Variants in ING1 observed in about 807,000 individuals in gnomAD.
ING1 encodes inhibitor of growth family member 1.
A neutral mutation model predicts 23.1 loss-of-function variants in ING1; 4 were observed. The ratio of observed to expected loss-of-function variants is 0.17; its 90% CI spans 0.09 to 0.40. The LOEUF is 0.40. Ranked by LOEUF, ING1 falls within the 10% of genes least tolerant of loss-of-function variation. The pLI is 1.00. For synonymous variants in ING1, 179 were observed against 166.4 expected, an observed-to-expected ratio of 1.08 and a Z score of -0.58; for missense variants, 256 against 393.8, an observed-to-expected ratio of 0.65 and a Z score of 2.96.
chr13:110,716,898 T>C (rs1016286136), intron 1 of ING1, among the ~76,000 whole-genome samples: 25 of 152,344 alleles, frequency 1.6e-4, no homozygotes, highest in African/African-American at 6.0e-4. Flanking sequence ...TATTTGTACT[T>C]AGTGGCTTTG....
rs376814882 is a variant in ING1 at position 110,715,740 on chromosome 13, C to G, written c.136+1455C>G. On this transcript the variant is annotated intron_variant, in intron 1 of 1. Coordinates refer to ENST00000333219, the MANE Select transcript of ING1 (RefSeq NM_198219.3). ...CCTCCAAATCGGCGATTCCCATAGG[C>G]GGCGGCTCTCGGGGTGCGGGGCGAG... 1.9e-6 allele frequency: 3 copies of G among 1,582,506 alleles called. No individual in the cohort carries two copies. The East Asian group carries it at 6.9e-5, about 36-fold the overall frequency.
At chr13:110,713,024 AGG>A (rs2064053355), upstream of ING1, 2 of 1,507,638 alleles carry the variant, frequency 1.3e-6, no homozygotes, top group Non-Finnish European at 1.8e-6. Context: ...GGACACCGAG[AGG>A]GTGCCAGTGC....
At chr13:110,715,362 C>T (rs1046579961) in intron 1 of ING1, 14 of 1,490,242 alleles carry the variant, frequency 9.4e-6, no homozygotes, top group African/African-American at 1.4e-5. Flanking sequence ...CTATCCGAGA[C>T]GTAGCTTCGC....
At chr13:110,713,158 T>G, upstream of ING1, 1 of 1,430,714 alleles carries the variant, frequency 7.0e-7, no homozygotes, top group South Asian at 1.5e-5. Flanking sequence ...CTCCTCTTCA[T>G]CGTGATTGGG....
At position 110,719,573 on chromosome 13, in the gene ING1, A is replaced by T. The variant is rs772040695; in HGVS notation, c.481A>T (p.Asn161Tyr). Residue 161 changes from asparagine (N) to tyrosine (Y), a missense_variant, in exon 2 of 2, where the codon AAC becomes TAC. Asn to Tyr is a moderately radical substitution (Grantham distance 143). Coordinates refer to ENST00000333219, the MANE Select transcript of ING1 (RefSeq NM_198219.3). The surrounding 1 kb of genome is among the most constrained non-coding windows in gnomAD (Gnocchi z 8.9). Reference sequence around the variant, plus strand: ...GCAGCGCAACAACGAGAACCGTGAGAACGCGTCCAGCAACCACGACCACGA... The same window carrying T: ...GCAGCGCAACAACGAGAACCGTGAGTACGCGTCCAGCAACCACGACCACGA... ...RRQRNNENRE[N>Y]ASSNHDHDDG... 1 of 1,611,576 alleles carries T rather than the reference A, an allele frequency of 6.2e-7. No individual in the cohort carries two copies. Among genetic ancestry groups the T allele is most frequent in the Admixed American group, 1.7e-5 (1 of 59,010 alleles).
upstream of ING1, chr13:110,712,948 G>C: frequency 6.4e-7 from 1 of 1,559,472 alleles, no homozygotes; most frequent in Non-Finnish European, 8.7e-7. Context: ...CGCCTAGGCT[G>C]CTGGGAGTGG....
At position 110,719,293 on chromosome 13, in the gene ING1, G is replaced by A. The variant is rs752915904; in HGVS notation, c.201G>A (p.Lys67=). The A allele has an allele frequency of 1.2e-6, 2 of 1,610,778 alleles. No individual in the cohort carries two copies. Among genetic ancestry groups the A allele is most frequent in the South Asian group, 1.1e-5 (1 of 91,086 alleles). The change falls in exon 2 of 2, where the codon AAG becomes AAA. Residue 67 remains lysine, a synonymous_variant. Transcript: ENST00000333219. The surrounding 1 kb of genome is among the most constrained non-coding windows in gnomAD (Gnocchi z 8.9). ...RFSRETDGAQ[K]RRMLHCVQRA... is the part of the protein sequence containing the mutation. The stretch of plus-strand genomic sequence containing the variant: ...GTCGCGAGACAGACGGGGCGCAGAA[G>A]CGGCGGATGCTGCACTGTGTGCAGC...
Position 110,714,032 on chromosome 13 carries a change from G to C in ING1, c.-118G>C, listed in dbSNP as rs867376154. The C allele has an allele frequency of 8.2e-7, 1 of 1,222,262 alleles. No homozygotes were observed. The highest frequency in any genetic ancestry group is 1.0e-6 in the Non-Finnish European group (1 of 976,770). 75.7% of individuals were successfully genotyped at this position (1,222,262 alleles called of 1,614,324 possible). A position where few individuals can be genotyped will look rare whatever the true frequency, so the allele number is the denominator to read the frequency against. On this transcript the variant is annotated 5_prime_UTR_variant, in exon 1 of 2. Coordinates refer to ENST00000333219, the MANE Select transcript of ING1 (RefSeq NM_198219.3). ...AGCCGCCGGGCCGAAGCAGGAGCCG[G>C]CGGGGGGGCGCCGGGAGAGCGAGGG...
At chr13:110,713,608 G>T (rs891203550), upstream of ING1, 56 of 985,552 alleles carry the variant, frequency 5.7e-5, no homozygotes, top group Non-Finnish European at 6.7e-5. Context: ...GAATGCGGCG[G>T]GGGGCGGGGC....
intron 1 of ING1, 115 bp downstream of exon 1, chr13:110,714,400 C>A (rs1306599902): frequency 5.0e-6 from 5 of 1,006,938 alleles, no homozygotes; most frequent in African/African-American, 1.7e-5. Context: ...GGCTCCGCAG[C>A]GGCGGCCCTC....
rs1566384911 is a variant in ING1, at chr13:110,722,066, G to A, written c.*2134G>A. 6.6e-6 allele frequency: 1 copy of A among 152,158 alleles called. No homozygotes were observed. Among genetic ancestry groups the A allele is most frequent in the African/African-American group, 2.4e-5 (1 of 41,428 alleles). 9.4% of individuals were successfully genotyped at this position (152,158 alleles called of 1,614,324 possible). On this transcript the variant is annotated 3_prime_UTR_variant, in exon 2 of 2. Transcript: ENST00000333219. ...TGTTTACTTGTGATAAACAATTATT[G>A]TGAACTTTATTTGTGCTGGACATAA...
chr13:110,715,684 C>T (rs745508131), intron 1 of ING1: 20 of 1,603,290 alleles, frequency 1.2e-5, no homozygotes, highest in East Asian at 2.3e-5. Context: ...TTCCGCCCTG[C>T]GGTGTGGTTG....
Position 110,720,727 on chromosome 13 carries a change from G to A in ING1, c.*795G>A, listed in dbSNP as rs774278336. 2 of 167,102 alleles carry A rather than the reference G, an allele frequency of 1.2e-5. No individual in the cohort carries two copies. Among genetic ancestry groups the A allele is most frequent in the African/African-American group, 4.8e-5 (2 of 41,468 alleles). The allele number at this position is 167,102 out of a possible 1,614,324, so 10.4% of individuals were successfully genotyped here. A position where few individuals can be genotyped will look rare whatever the true frequency, so the allele number is the denominator to read the frequency against. On this transcript the variant is annotated 3_prime_UTR_variant, in exon 2 of 2. Coordinates refer to ENST00000333219, the MANE Select transcript of ING1 (RefSeq NM_198219.3). Reference sequence around the variant, plus strand: ...AAGGTGTGCTTCCTGCTGTATGTGAGCTGTAAAAATGTTACGTGAAGAAAT... The same window carrying A: ...AAGGTGTGCTTCCTGCTGTATGTGAACTGTAAAAATGTTACGTGAAGAAAT...
intron 1 of ING1, 32 bp downstream of exon 1, chr13:110,714,317 C>T (rs2064080467): frequency 9.9e-6 from 15 of 1,521,158 alleles, no homozygotes; most frequent in Non-Finnish European, 1.2e-5. Flanking sequence ...GCGGGGGCGG[C>T]CGCCTCCTTC....
rs750093259 is a variant in ING1 at position 110,719,656 on chromosome 13, G to A, written c.564G>A (p.Lys188=). The part of the protein sequence containing the change: ...EKKAKTSKKK[K]RSKAKAEREA... Reference sequence around the variant, plus strand: ...AGGCCAAGACCTCCAAGAAGAAGAAGCGCTCCAAGGCCAAGGCGGAGCGAG... The same window carrying A: ...AGGCCAAGACCTCCAAGAAGAAGAAACGCTCCAAGGCCAAGGCGGAGCGAG... Residue 188 remains lysine, a synonymous_variant, in exon 2 of 2, where the codon AAG becomes AAA. Coordinates refer to ENST00000333219, the MANE Select transcript of ING1 (RefSeq NM_198219.3). The surrounding 1 kb of genome is among the most constrained non-coding windows in gnomAD (Gnocchi z 8.9). 1 of 1,612,950 alleles carries A rather than the reference G, an allele frequency of 6.2e-7. No individual in the cohort carries two copies. Among genetic ancestry groups the A allele is most frequent in the Non-Finnish European group, 8.5e-7 (1 of 1,179,762 alleles).
intron 1 of ING1, among the ~76,000 whole-genome samples, chr13:110,716,233 G>A (rs1380212395): frequency 6.6e-6 from 1 of 152,196 alleles, no homozygotes; most frequent in African/African-American, 2.4e-5. Context: ...GAGCCACTTT[G>A]TCCTCCTGTC....
chr13:110,713,246 T>C, upstream of ING1: 1 of 1,351,478 alleles, frequency 7.4e-7, no homozygotes, highest in Non-Finnish European at 9.5e-7. Context: ...TACTGCTCTG[T>C]GGGGCGGGGA....
In ING1 at chr13:110,721,238, G is replaced by A. The variant is rs556865024; in HGVS notation, c.*1306G>A. ...TTAGACTAGCATCTAACATTGATTT[G>A]CCCACATATTGAAAGGGTCAGTGGA... On this transcript the variant is annotated 3_prime_UTR_variant, in exon 2 of 2. Coordinates refer to ENST00000333219, the MANE Select transcript of ING1 (RefSeq NM_198219.3). The A allele has an allele frequency of 3.9e-5, 6 of 154,040 alleles. No individual in the cohort carries two copies. The highest frequency in any genetic ancestry group is 1.2e-4 in the African/African-American group (5 of 41,550). The allele number at this position is 154,040 out of a possible 1,614,324, so 9.5% of individuals were successfully genotyped here. A position where few individuals can be genotyped will look rare whatever the true frequency, so the allele number is the denominator to read the frequency against.
chr13:110,715,672 TC>T (rs2064111215), intron 1 of ING1: 2 of 1,607,516 alleles, frequency 1.2e-6, no homozygotes, highest in Admixed American at 1.7e-5. Context: ...CGGGCCGTGC[TC>T]TTCCGCCCTG....
Sources: gnomAD v4.1 joint callset for allele counts (sites outside exome capture counted in the v4.1 genomes callset) on GRCh38, gnomAD v4.1.1 for gene constraint, Gnocchi (gnomAD v3.1) non-coding constraint, MANE v1.5 for transcripts, NCBI Gene and HGNC (gene_info 2026-07-23, HGNC 2026-07-21) for gene names.